The following SGO2 variants were observed in gnomAD, a reference collection of about 807,000 sequenced individuals.
SGO2 encodes the protein shugoshin 2.
Under a neutral mutation model 99.5 loss-of-function variants are expected in SGO2, and 68 were observed. The observed-to-expected ratio is 0.68, with a 90% confidence interval of 0.56 to 0.84. The LOEUF is 0.84. Among genes scored for constraint, SGO2 ranks in the 40% least tolerant of loss-of-function variants. The pLI, the probability that SGO2 is intolerant of heterozygous loss-of-function variation, is 0.00. For synonymous variants in SGO2, 457 were observed against 487.1 expected (o/e 0.94, Z 0.81); for missense variants, 1,350 against 1,436.7 (o/e 0.94, Z 0.97).
intron 5 of SGO2, among the ~76,000 whole-genome samples, chr2:200,552,578 C>T (rs971780391): frequency 6.6e-6 from 1 of 152,146 alleles, no homozygotes; most frequent in Non-Finnish European, 1.5e-5. Flanking sequence ...CTGAGGTTTT[C>T]TCCCCTTTTA....
intron 8 of SGO2, among the ~76,000 whole-genome samples, chr2:200,577,009 T>C (rs1559221335): frequency 6.6e-6 from 1 of 152,180 alleles, no homozygotes; most frequent in Non-Finnish European, 1.5e-5. Context: ...GAACATTCTT[T>C]TGCAAGGTTT....
intron 5 of SGO2, among the ~76,000 whole-genome samples, chr2:200,565,916 G>A (rs2033169002): frequency 1.3e-5 from 2 of 152,110 alleles, no homozygotes; most frequent in African/African-American, 2.4e-5. Flanking sequence ...AGCTCCATCA[G>A]GTCATTTAAG....
intron 8 of SGO2, among the ~76,000 whole-genome samples, chr2:200,581,144 A>T (rs1404419548): frequency 6.6e-6 from 1 of 152,196 alleles, no homozygotes; most frequent in African/African-American, 2.4e-5. Context: ...CTATAGGATC[A>T]GCATTTATAA....
intron 5 of SGO2, among the ~76,000 whole-genome samples, chr2:200,551,841 T>C (rs912653134): frequency 1.3e-5 from 2 of 152,220 alleles, no homozygotes; most frequent in Non-Finnish European, 2.9e-5. Context: ...TATTCTATTA[T>C]GTGAGTCCTT....
intron 2 of SGO2, 31 bp from the exon 3 acceptor site, chr2:200,534,965 A>G (rs758867772): frequency 6.9e-7 from 1 of 1,440,826 alleles, no homozygotes; most frequent in South Asian, 1.4e-5. Context: ...TATAAGCTGA[A>G]TATTAACTCA....
intron 5 of SGO2, among the ~76,000 whole-genome samples, chr2:200,566,874 G>A (rs897472952): frequency 3.3e-5 from 5 of 152,268 alleles, no homozygotes; most frequent in South Asian, 2.1e-4. Context: ...TGAGCCAGGC[G>A]CCGGATATAA....
chr2:200,582,329 C>T lies in SGO2; in HGVS notation c.3783-1120C>T, dbSNP rs571047242. Among the ~76,000 whole-genome samples, 5 of 152,120 alleles carry T rather than the reference C, an allele frequency of 3.3e-5. No individual in the cohort carries two copies. The South Asian group carries it at 8.3e-4, about 25-fold the overall frequency. ...TGAACCTAAACATTGCATTCACAAC[C>T]CTATGGGGCTAGGGACAGAAGACAA... On this transcript the variant is annotated intron_variant, in intron 8 of 8. Coordinates refer to ENST00000357799, the MANE Select transcript of SGO2 (RefSeq NM_152524.6).
intron 2 of SGO2, among the ~76,000 whole-genome samples, chr2:200,534,003 T>C (rs1015114505): frequency 2.6e-5 from 4 of 152,166 alleles, no homozygotes; most frequent in African/African-American, 7.2e-5. Context: ...CCTAAGCTTG[T>C]TGTAGTCAGT....
At chr2:200,579,180 T>C (rs936669886) in intron 8 of SGO2, among the ~76,000 whole-genome samples, 1 of 152,248 alleles carries the variant, frequency 6.6e-6, no homozygotes, top group Admixed American at 6.5e-5. Context: ...TGATGCCCAA[T>C]GTTGTTCGTA....
chr2:200,558,024 CA>C (rs1447481597), intron 5 of SGO2, among the ~76,000 whole-genome samples: 70 of 152,060 alleles, frequency 4.6e-4, no homozygotes, highest in African/African-American at 1.6e-3. Flanking sequence ...CCATCACACC[CA>C]GCTAATTTTT....
intron 7 of SGO2, among the ~76,000 whole-genome samples, chr2:200,574,346 G>A (rs897612871): frequency 1.3e-5 from 2 of 151,906 alleles, no homozygotes; most frequent in South Asian, 2.1e-4. Flanking sequence ...ACAGTTGCAT[G>A]TTTCTTGAGA....
chr2:200,544,893 G>A (rs1211105711), intron 5 of SGO2, among the ~76,000 whole-genome samples: 2 of 152,008 alleles, frequency 1.3e-5, no homozygotes, highest in African/African-American at 4.8e-5. Context: ...GATGTATAGT[G>A]GTATCATTTT....
intron 8 of SGO2, among the ~76,000 whole-genome samples, chr2:200,580,243 C>T (rs1029473894): frequency 1.6e-4 from 24 of 152,054 alleles, no homozygotes; most frequent in Admixed American, 1.6e-3. Context: ...ATGAATTAGA[C>T]ATGTAAATTA....
At chr2:200,574,020 T>C (rs1377433947) in intron 7 of SGO2, 43 bp downstream of exon 7, 3 of 1,449,112 alleles carry the variant, frequency 2.1e-6, no homozygotes, top group South Asian at 3.1e-5. Context: ...TTTAGAAGTG[T>C]TTTGTTTTTT....
chr2:200,558,801 ATC>A (rs1238187082), intron 5 of SGO2, among the ~76,000 whole-genome samples: 2 of 143,970 alleles, frequency 1.4e-5, no homozygotes, highest in Non-Finnish European at 1.5e-5. Context: ...TTTTGGTAAC[ATC>A]TCTTTTTTTT....
chr2:200,583,156 C>G (rs1574894692), intron 8 of SGO2, among the ~76,000 whole-genome samples: 1 of 152,118 alleles, frequency 6.6e-6, no homozygotes, highest in South Asian at 2.1e-4. Flanking sequence ...TTCACATGTT[C>G]TTGAACATAT....
At chr2:200,553,933 G>C (rs2032598614) in intron 5 of SGO2, among the ~76,000 whole-genome samples, 1 of 152,146 alleles carries the variant, frequency 6.6e-6, no homozygotes, top group South Asian at 2.1e-4. Flanking sequence ...CAAGGTATGA[G>C]GCCAGTTTTC....
intron 5 of SGO2, among the ~76,000 whole-genome samples, chr2:200,550,821 A>G (rs2032449994): frequency 6.6e-6 from 1 of 152,148 alleles, no homozygotes; most frequent in Non-Finnish European, 1.5e-5. Flanking sequence ...AACCAAAGCA[A>G]AAATAGACAA....
At position 200,536,079 on chromosome 2, in the gene SGO2, A is replaced by G. The variant is rs2031675235; in HGVS notation, c.324A>G (p.Ile108Met). ...LKLNNLNKKL[I>M]DIEALMNNNL... Reference sequence around the variant, plus strand: ...TACATGTGCAGAATAAGAAGCTTATAGACATAGAAGCTCTCATGAACAATA... The same window carrying G: ...TACATGTGCAGAATAAGAAGCTTATGGACATAGAAGCTCTCATGAACAATA... Residue 108 changes from isoleucine (I) to methionine (M), a missense_variant, in exon 4 of 9, where the codon ATA becomes ATG. Transcript: ENST00000357799. 6.3e-7 allele frequency: 1 copy of G among 1,585,466 alleles called. No individual in the cohort carries two copies. The highest frequency in any genetic ancestry group is 8.6e-7 in the Non-Finnish European group (1 of 1,161,262).
Sources: allele counts gnomAD v4.1 joint callset (sites outside exome capture counted in the v4.1 genomes callset), GRCh38; gene constraint gnomAD v4.1.1; transcripts MANE v1.5; gene names NCBI Gene and HGNC (gene_info 2026-07-23, HGNC 2026-07-21).